DSP: variants seen among roughly 807,000 people sequenced by gnomAD.
The protein encoded by DSP is 250/210 kDa paraneoplastic pemphigus antigen.
Under a neutral mutation model 290.6 loss-of-function variants are expected in DSP, and 114 were observed. The observed-to-expected ratio is 0.39, with a 90% CI of 0.34 to 0.46. DSP has a LOEUF of 0.46. Ranked by LOEUF, DSP falls within the 20% of genes least tolerant of loss-of-function variation. The probability of loss-of-function intolerance (pLI) is 0.99; values close to 1 mark genes in which losing one functional copy is unlikely to be tolerated. For missense variants in DSP, 3,230 were observed against 3,495.8 expected (o/e 0.92, Z 1.92); for synonymous variants, 1,311 against 1,316.4 (o/e 1.00, Z 0.09).
chr6:7,558,168 A>C lies in DSP; in HGVS notation c.326A>C (p.Glu109Ala), dbSNP rs918984340. Residue 109 changes from glutamate (E) to alanine (A), a missense_variant, in exon 3 of 24, where the codon GAG (glutamate) becomes GCG (alanine). Physicochemically the swap from Glu to Ala is moderately radical, Grantham distance 107. Around this residue, in one of 5 missense-constraint regions of DSP, gnomAD observed 646 missense variants for 684.3 expected, o/e 0.94. Transcript: ENST00000379802. ...IQLTRSRELD[E>A]CFAQANDQME... ...CTGACTCGGAGTCGAGAATTGGATGAGTGTTTTGCCCAGGCCAATGACCAA... is the reference window on the plus strand; with the variant it reads ...CTGACTCGGAGTCGAGAATTGGATGCGTGTTTTGCCCAGGCCAATGACCAA... 1.2e-6 allele frequency: 2 copies of C among 1,614,084 alleles called. No individual in the cohort carries two copies. The highest frequency in any genetic ancestry group is 1.7e-5 in the Admixed American group (1 of 60,006).
intron 12 of DSP, 132 bp downstream of exon 12, chr6:7,569,472 C>G: frequency 1.5e-6 from 2 of 1,349,316 alleles, no homozygotes; most frequent in Non-Finnish European, 2.1e-6. Flanking sequence ...AAAAAAGGAA[C>G]CTTGTGAAGG....
chr6:7,584,347 G>A lies in DSP; in HGVS notation c.7085G>A (p.Gly2362Asp). 1 of 1,614,118 alleles carries A rather than the reference G, an allele frequency of 6.2e-7. No homozygotes were observed. Among genetic ancestry groups the A allele is most frequent in the Non-Finnish European group, 8.5e-7 (1 of 1,180,014 alleles). Residue 2362 changes from glycine (G) to aspartate (D), a missense_variant, in exon 24 of 24, where the codon GGC becomes GAC. By Grantham distance (94) the Gly-to-Asp change is moderately conservative. This residue lies in a region of DSP where 207 missense variants were observed against 281.2 expected (regional missense o/e 0.74). Transcript: ENST00000379802. The surrounding 1 kb of genome is among the most constrained non-coding windows in gnomAD (Gnocchi z 6.4). ...QAMNKELIEK[G>D]HGIRLLEAQI... ...ATGAATAAGGAACTCATCGAAAAGG[G>A]CCACGGTATTCGCTTATTAGAAGCA...
rs1759482478 is a variant in DSP at position 7,582,810 on chromosome 6, AAAC to A, written c.5550_5552del (p.Gln1851del). On this transcript the variant is annotated inframe_deletion, in exon 24 of 24. Coordinates refer to ENST00000379802, the MANE Select transcript of DSP (RefSeq NM_004415.4). This position sits in a 1 kb window ranked among gnomAD's most constrained non-coding sequence, Gnocchi z 4.2. ...AACTCTAGAGGCAGAAACCAGGGTG[AAAC>A]AGCGCCTGGAGTGTGAGAAACAGCA... The A allele has an allele frequency of 6.2e-7, 1 of 1,614,034 alleles. No individual in the cohort carries two copies.
chr6:7,541,969 C>A lies in DSP; in HGVS notation c.54C>A (p.Ile18=). 6.2e-7 allele frequency: 1 copy of A among 1,607,012 alleles called. No individual in the cohort carries two copies. Among genetic ancestry groups the A allele is most frequent in the South Asian group, 1.1e-5 (1 of 89,862 alleles). ...GGATCAACACTCTGGGCCGCATGAT[C>A]CGCGCCGAGTCTGGCCCGGACCTGC... is the stretch of plus-strand genomic sequence containing the variant. ...HPRINTLGRM[I]RAESGPDLRY... is the part of the protein sequence containing the mutation. Residue 18 remains isoleucine (I), a synonymous_variant, in exon 1 of 24, where the codon ATC becomes ATA. Transcript: ENST00000379802.
chr6:7,547,742 A>G (rs1758208001), intron 1 of DSP, among the ~76,000 whole-genome samples: 1 of 151,938 alleles, frequency 6.6e-6, no homozygotes, highest in South Asian at 2.1e-4. Context: ...TGGCCTTTGA[A>G]TTTTCTTACC....
intron 10 of DSP, among the ~76,000 whole-genome samples, 169 bp downstream of exon 10, chr6:7,568,075 T>G (rs1261776105): frequency 2.6e-5 from 4 of 152,226 alleles, no homozygotes; most frequent in African/African-American, 9.7e-5. Context: ...CTTCTTTACA[T>G]GCCCAACTAC....
At chr6:7,548,644 T>A (rs1421421242) in intron 1 of DSP, among the ~76,000 whole-genome samples, 1 of 152,194 alleles carries the variant, frequency 6.6e-6, no homozygotes, top group Non-Finnish European at 1.5e-5. Context: ...AGAACTTTTA[T>A]TAGAGTACTG....
At chr6:7,568,046 T>A in intron 10 of DSP, 140 bp downstream of exon 10, 9 of 1,324,514 alleles carry the variant, frequency 6.8e-6, no homozygotes, top group Non-Finnish European at 9.4e-6. Flanking sequence ...CAGCTTCCAG[T>A]GGCTTTTCTC....
In DSP at chr6:7,571,893, A is replaced by G. The variant is rs781194076; in HGVS notation, c.1955A>G (p.Asn652Ser). Residue 652 changes from asparagine to serine, a missense_variant, in exon 15 of 24, where the codon AAT (asparagine) becomes AGT (serine). Around this residue, in one of 5 missense-constraint regions of DSP, gnomAD observed 1,714 missense variants for 1,844.5 expected, o/e 0.93. Transcript: ENST00000379802. ...HHGTCQDVNH[N>S]KVIETNREND... Reference sequence around the variant, plus strand: ...GGAACCTGCCAAGATGTCAACCATAATAAAGTAATTGAAACCAACAGAGAA... The same window carrying G: ...GGAACCTGCCAAGATGTCAACCATAGTAAAGTAATTGAAACCAACAGAGAA... The G allele has an allele frequency of 6.2e-7, 1 of 1,614,062 alleles. No individual in the cohort carries two copies. Among genetic ancestry groups the G allele is most frequent in the Non-Finnish European group, 8.5e-7 (1 of 1,180,022 alleles).
chr6:7,567,508 G>C, intron 9 of DSP, 59 bp downstream of exon 9: 1 of 1,411,198 alleles, frequency 7.1e-7, no homozygotes, highest in Non-Finnish European at 1.0e-6. Flanking sequence ...AATCTTTTGA[G>C]TGTGTTTTAT....
rs1195740147 is a variant in DSP at position 7,576,351 on chromosome 6, G to A, written c.2688G>A (p.Gln896=). Residue 896 remains glutamine (Q), a synonymous_variant, in exon 19 of 24, where the codon CAG becomes CAA. Transcript: ENST00000379802. ...KQLRNYRDNY[Q]AFCKWLYDAK... ...TGAGGAATTATCGTGATAACTATCA[G>A]GCTTTCTGCAAGTGGCTCTATGATG... 1 of 1,614,100 alleles carries A rather than the reference G, an allele frequency of 6.2e-7. No homozygotes were observed. Among genetic ancestry groups the A allele is most frequent in the Admixed American group, 1.7e-5 (1 of 60,028 alleles).
chr6:7,573,308 G>A (rs1759117951), intron 15 of DSP, among the ~76,000 whole-genome samples: 1 of 152,160 alleles, frequency 6.6e-6, no homozygotes, highest in African/African-American at 2.4e-5. Context: ...GCCAGGTGCG[G>A]TGGCTCACGC....
At chr6:7,577,548 G>C (rs1006685377) in intron 20 of DSP, among the ~76,000 whole-genome samples, 8 of 152,114 alleles carry the variant, frequency 5.3e-5, no homozygotes, top group African/African-American at 1.7e-4. Context: ...GGCTGGTTTT[G>C]AACTCCCGAT....
Position 7,582,768 on chromosome 6 carries a change from C to T in DSP, c.5506C>T (p.Leu1836=). 1 of 1,613,892 alleles carries T rather than the reference C, an allele frequency of 6.2e-7. No individual in the cohort carries two copies. The highest frequency in any genetic ancestry group is 8.5e-7 in the Non-Finnish European group (1 of 1,179,916). The change falls in exon 24 of 24, where the codon CTG becomes TTG. Residue 1836 remains leucine (L), a synonymous_variant. Coordinates refer to ENST00000379802, the MANE Select transcript of DSP (RefSeq NM_004415.4). This position sits in a 1 kb window ranked among gnomAD's most constrained non-coding sequence, Gnocchi z 4.2. The part of the protein sequence containing the change: ...KARLQRLEDE[L]NRAKSTLEAE... ...AAGGCTGCAGAGGCTGGAGGATGAG[C>T]TGAATCGTGCAAAATCAACTCTAGA...
Position 7,579,952 on chromosome 6 carries a change from C to T in DSP, c.3762C>T (p.Val1254=). The T allele has an allele frequency of 6.2e-7, 1 of 1,614,144 alleles. No individual in the cohort carries two copies. Among genetic ancestry groups the T allele is most frequent in the African/African-American group, 1.3e-5 (1 of 75,042 alleles). Residue 1254 remains valine, a synonymous_variant, in exon 23 of 24, where the codon GTC becomes GTT. Coordinates refer to ENST00000379802, the MANE Select transcript of DSP (RefSeq NM_004415.4). The surrounding 1 kb of genome is among the most constrained non-coding windows in gnomAD (Gnocchi z 4.1). The part of the protein sequence containing the change: ...RENRDLKDEI[V]RLNDSILQAT... ...ATCGAGATCTGAAGGATGAAATTGT[C>T]AGGCTCAATGACAGCATCTTGCAGG...
Position 7,584,316 on chromosome 6 carries a change from C to T in DSP, c.7054C>T (p.Gln2352Ter). The T allele has an allele frequency of 6.2e-7, 1 of 1,614,152 alleles. No individual in the cohort carries two copies. Among genetic ancestry groups the T allele is most frequent in the Non-Finnish European group, 8.5e-7 (1 of 1,180,044 alleles). ...PETGNIISLF[Q>*]AMNKELIEKG... ...AACAGGAAACATCATCTCTTTGTTC[C>T]AAGCCATGAATAAGGAACTCATCGA... Residue 2352 changes from glutamine (Q) to a stop codon, truncating the protein, a stop_gained, in exon 24 of 24, where the codon CAA (glutamine) becomes TAA (stop). Transcript: ENST00000379802. LOFTEE classifies it high-confidence loss of function. This position sits in a 1 kb window ranked among gnomAD's most constrained non-coding sequence, Gnocchi z 6.4.
intron 1 of DSP, among the ~76,000 whole-genome samples, chr6:7,553,543 G>A (rs1462103094): frequency 6.6e-6 from 1 of 152,142 alleles, no homozygotes; most frequent in Non-Finnish European, 1.5e-5. Context: ...TGAGGTTGCT[G>A]GGCTTCTTAA....
In DSP at chr6:7,542,010, G is replaced by A. The variant is rs1235755702; in HGVS notation, c.95G>A (p.Ser32Asn). ...SGPDLRYEVT[S>N]GGGGTSRMYY... Reference sequence around the variant, plus strand: ...CCGGACCTGCGCTACGAGGTGACCAGCGGCGGCGGGGGCACCAGCAGGATG... The same window carrying A: ...CCGGACCTGCGCTACGAGGTGACCAACGGCGGCGGGGGCACCAGCAGGATG... The change falls in exon 1 of 24, where the codon AGC becomes AAC. Residue 32 changes from serine to asparagine, a missense_variant. By Grantham distance (46) the Ser-to-Asn change is conservative. Transcript: ENST00000379802. 6.3e-7 allele frequency: 1 copy of A among 1,590,210 alleles called. No individual in the cohort carries two copies. Among genetic ancestry groups the A allele is most frequent in the Non-Finnish European group, 8.6e-7 (1 of 1,169,372 alleles).
chr6:7,548,202 G>A (rs1353974630), intron 1 of DSP, among the ~76,000 whole-genome samples: 2 of 152,142 alleles, frequency 1.3e-5, no homozygotes, highest in East Asian at 1.9e-4. Flanking sequence ...GGGAGGCAGA[G>A]GTTGCAGCGA....
Sources: allele counts gnomAD v4.1 joint callset (sites outside exome capture counted in the v4.1 genomes callset), GRCh38; gene constraint gnomAD v4.1.1; regional missense constraint gnomAD v4.1.1; non-coding constraint Gnocchi (gnomAD v3.1); transcripts MANE v1.5; gene names NCBI Gene and HGNC (gene_info 2026-07-23, HGNC 2026-07-21).